The following LPGAT1 variants were observed in gnomAD, a reference collection of about 807,000 sequenced individuals.
LPGAT1 encodes acyl-CoA:lysophosphatidylglycerol acyltransferase 1.
A neutral mutation model predicts 47.5 loss-of-function variants in LPGAT1; 11 were observed. The observed-to-expected ratio is 0.23, with a 90% CI of 0.15 to 0.38. The LOEUF is 0.38. LPGAT1 is among the 10% of genes least tolerant of loss of function. The probability of loss-of-function intolerance (pLI) is 1.00; values close to 1 mark genes in which losing one functional copy is unlikely to be tolerated. For missense variants in LPGAT1, 293 were observed against 439.0 expected (o/e 0.67, Z 2.97); for synonymous variants, 138 against 144.2 (o/e 0.96, Z 0.31).
intron 2 of LPGAT1, among the ~76,000 whole-genome samples, chr1:211,827,611 CCATATAA>C (rs1234007745): frequency 2.0e-5 from 3 of 152,152 alleles, no homozygotes; most frequent in Non-Finnish European, 4.4e-5. Flanking sequence ...GCCACTAGTA[CCATATAA>C]CATATATTTG....
rs1444749530 is a variant in LPGAT1 at position 211,744,086 on chromosome 1, A to G, written c.*5813T>C. ...TTTCTGTCACATTCTTCTAAATCAA[A>G]AGTTCGCTGTGTAGGACTGACATTA... On this transcript the variant is annotated 3_prime_UTR_variant, in exon 8 of 8. Coordinates refer to ENST00000366997, the MANE Select transcript of LPGAT1 (RefSeq NM_014873.3). The G allele has an allele frequency of 6.6e-6, 1 of 152,190 alleles. No individual in the cohort carries two copies. Among genetic ancestry groups the G allele is most frequent in the Non-Finnish European group, 1.5e-5 (1 of 68,024 alleles). 9.4% of individuals were successfully genotyped at this position (152,190 alleles called of 1,614,324 possible).
intron 6 of LPGAT1, among the ~76,000 whole-genome samples, chr1:211,776,334 C>T (rs1285713418): frequency 6.6e-6 from 1 of 152,038 alleles, no homozygotes; most frequent in Admixed American, 6.6e-5. Context: ...GTCAGGAGTT[C>T]GAGACCAGCC....
intron 6 of LPGAT1, among the ~76,000 whole-genome samples, chr1:211,763,331 G>C (rs1200838820): frequency 3.3e-5 from 5 of 152,106 alleles, no homozygotes; most frequent in African/African-American, 1.2e-4. Flanking sequence ...GAGTAGGTTA[G>C]TTATCACAAG....
chr1:211,749,382 G>A lies in LPGAT1; in HGVS notation c.*517C>T, dbSNP rs1254013315. 1 of 158,282 alleles carries A rather than the reference G, an allele frequency of 6.3e-6. No individual in the cohort carries two copies. The highest frequency in any genetic ancestry group is 1.4e-5 in the Non-Finnish European group (1 of 72,474). 9.8% of individuals were successfully genotyped at this position (158,282 alleles called of 1,614,324 possible). A position where few individuals can be genotyped will look rare whatever the true frequency, so the allele number is the denominator to read the frequency against. ...GAGTTTGTTACTGCAACAGACTGGAGTTTGTTACTGCAACAGACTGGAGTT... is the reference window on the plus strand; with the variant it reads ...GAGTTTGTTACTGCAACAGACTGGAATTTGTTACTGCAACAGACTGGAGTT... On this transcript the variant is annotated 3_prime_UTR_variant, in exon 8 of 8. Transcript: ENST00000366997.
At position 211,783,274 on chromosome 1, in the gene LPGAT1, G is replaced by T. The variant is rs1658716289; in HGVS notation, c.682C>A (p.Gln228Lys). ...TKIILNALVA[Q>K]QKNGSPAGGD... Reference sequence around the variant, plus strand: ...CCTGCTGGACTTCCATTTTTCTGTTGTGCTACAAGTGCATTCAAAATAATT... The same window carrying T: ...CCTGCTGGACTTCCATTTTTCTGTTTTGCTACAAGTGCATTCAAAATAATT... Residue 228 changes from glutamine (Q) to lysine (K), a missense_variant, in exon 5 of 8, where the codon CAA becomes AAA. Transcript: ENST00000366997. 3 of 1,613,794 alleles carry T rather than the reference G, an allele frequency of 1.9e-6. No homozygotes were observed. Among genetic ancestry groups the T allele is most frequent in the Non-Finnish European group, 2.5e-6 (3 of 1,179,810 alleles).
rs1015681126 is a variant in LPGAT1, at chr1:211,829,641, T to C, written c.-27-318A>G. 3.6e-6 allele frequency: 4 copies of C among 1,099,024 alleles called. No individual in the cohort carries two copies. The African/African-American group carries it at 4.9e-5, about 13-fold the overall frequency. The allele number at this position is 1,099,024 out of a possible 1,614,324, so 68.1% of individuals were successfully genotyped here. ...TCTCACTGCGGTCGTCTATTGGACT[T>C]AGAAAAATAGATCCACTCGCTTCAG... is the stretch of plus-strand genomic sequence containing the variant. On this transcript the variant is annotated intron_variant, in intron 1 of 7. Coordinates refer to ENST00000366997, the MANE Select transcript of LPGAT1 (RefSeq NM_014873.3).
chr1:211,800,380 T>C (rs888307482), intron 2 of LPGAT1, among the ~76,000 whole-genome samples: 2 of 152,072 alleles, frequency 1.3e-5, no homozygotes, highest in South Asian at 4.2e-4. Flanking sequence ...ACTTCTGCAA[T>C]GACTTCCTAA....
chr1:211,793,292 CCTAG>C, intron 2 of LPGAT1, 102 bp from the exon 3 acceptor site: 1 of 666,456 alleles, frequency 1.5e-6, no homozygotes, highest in Non-Finnish European at 2.6e-6. Context: ...TGATATGTCA[CCTAG>C]CTAAAACATC....
intron 3 of LPGAT1, 116 bp from the exon 4 acceptor site, chr1:211,787,843 T>C: frequency 3.4e-6 from 2 of 596,424 alleles, no homozygotes; most frequent in Non-Finnish European, 5.9e-6. Flanking sequence ...AACCAAAATA[T>C]CTTAAGTCTA....
chr1:211,789,445 C>T (rs1164944342), intron 3 of LPGAT1, among the ~76,000 whole-genome samples: 1 of 152,168 alleles, frequency 6.6e-6, no homozygotes, highest in African/African-American at 2.4e-5. Flanking sequence ...AAGGACAGCT[C>T]TGTTCCAACT....
intron 4 of LPGAT1, among the ~76,000 whole-genome samples, chr1:211,786,841 A>G (rs73088107): frequency 0.017 from 2,553 of 152,300 alleles, 77 homozygotes; most frequent in African/African-American, 0.057. Context: ...TGCCTTGTAA[A>G]TAAAAGTAAT....
At chr1:211,811,917 G>T (rs1038966493) in intron 2 of LPGAT1, among the ~76,000 whole-genome samples, 1 of 152,218 alleles carries the variant, frequency 6.6e-6, no homozygotes, top group Non-Finnish European at 1.5e-5. Context: ...ATGGTATAAT[G>T]AAAACACATG....
intron 3 of LPGAT1, 74 bp from the exon 4 acceptor site, chr1:211,787,801 TTAAATA>T: frequency 3.6e-6 from 3 of 834,010 alleles, no homozygotes; most frequent in Middle Eastern, 2.3e-4. Flanking sequence ...TCTCCAAGCT[TTAAATA>T]TAATCATCCA....
chr1:211,777,064 T>A (rs979580869), intron 6 of LPGAT1, among the ~76,000 whole-genome samples: 1 of 152,192 alleles, frequency 6.6e-6, no homozygotes, highest in Non-Finnish European at 1.5e-5. Context: ...TTAAAATTTT[T>A]AAAATATAAC....
Position 211,779,063 on chromosome 1 carries a change from A to C in LPGAT1, c.728-19T>G, listed in dbSNP as rs1339362824. On this transcript the variant is annotated intron_variant, in intron 5 of 7. Transcript: ENST00000366997. ...TTGCTGTCTGAGAACAAAGAAAAAA[A>C]GACTTAAAATTAAATCAACTTTTAT... The C allele has an allele frequency of 6.4e-7, 1 of 1,558,218 alleles. No individual in the cohort carries two copies. The highest frequency in any genetic ancestry group is 8.6e-7 in the Non-Finnish European group (1 of 1,159,802).
chr1:211,745,682 G>A lies in LPGAT1; in HGVS notation c.*4217C>T, dbSNP rs892975301. On this transcript the variant is annotated 3_prime_UTR_variant, in exon 8 of 8. Transcript: ENST00000366997. ...ACCCTCAGCTTATTCCCAGGGTCCAGTTCCTAATTGTTGGGGATTGGCGCA... is the reference window on the plus strand; with the variant it reads ...ACCCTCAGCTTATTCCCAGGGTCCAATTCCTAATTGTTGGGGATTGGCGCA... The A allele has an allele frequency of 6.6e-6, 1 of 152,616 alleles. No individual in the cohort carries two copies. Among genetic ancestry groups the A allele is most frequent in the Non-Finnish European group, 1.5e-5 (1 of 68,038 alleles). The allele number at this position is 152,616 out of a possible 1,614,324, so 9.5% of individuals were successfully genotyped here.
At chr1:211,785,586 C>T (rs1028129482) in intron 4 of LPGAT1, among the ~76,000 whole-genome samples, 4 of 150,202 alleles carry the variant, frequency 2.7e-5, no homozygotes, top group South Asian at 2.1e-4. Flanking sequence ...AAAAGTACAC[C>T]GATAATCTAG....
intron 6 of LPGAT1, among the ~76,000 whole-genome samples, chr1:211,771,709 C>T (rs111723344): frequency 0.018 from 2,702 of 152,100 alleles, 86 homozygotes; most frequent in African/African-American, 0.061. Flanking sequence ...ACCACATTGG[C>T]CAGGCTGGTC....
intron 3 of LPGAT1, 22 bp downstream of exon 3, chr1:211,793,050 T>C: frequency 6.7e-7 from 1 of 1,503,396 alleles, no homozygotes; most frequent in Non-Finnish European, 9.1e-7. Flanking sequence ...GATGTCTATC[T>C]ACTGCCTTCA....
Sources: gnomAD v4.1 joint callset for allele counts (sites outside exome capture counted in the v4.1 genomes callset) on GRCh38, gnomAD v4.1.1 for gene constraint, MANE v1.5 for transcripts, NCBI Gene and HGNC (gene_info 2026-07-23, HGNC 2026-07-21) for gene names.